Variants in FHOD3 observed in about 807,000 individuals in gnomAD.
FHOD3 encodes the protein FH1/FH2 domain-containing protein 3.
Under a neutral mutation model 173.0 loss-of-function variants are expected in FHOD3, and 90 were observed. The ratio of observed to expected loss-of-function variants is 0.52; its 90% CI spans 0.44 to 0.62. FHOD3 has a LOEUF of 0.62. Among genes scored for constraint, FHOD3 ranks in the 20% least tolerant of loss-of-function variants. The pLI is 0.00. For synonymous variants in FHOD3, 828 were observed against 823.0 expected (o/e 1.01, Z -0.10); for missense variants, 1,945 against 2,034.7 (o/e 0.96, Z 0.85).
In FHOD3 at chr18:36,625,730, G is replaced by A; in HGVS notation, c.1177G>A (p.Val393Met). The change falls in exon 10 of 29, where the codon GTG becomes ATG. Residue 393 changes from valine to methionine, a missense_variant. By Grantham distance (21) the Val-to-Met change is conservative. Coordinates refer to ENST00000590592, the MANE Select transcript of FHOD3 (RefSeq NM_001281740.3). ...AGCTCCCAGCTTCAAGCCCAACCAA[G>A]TGCGAGATCTGCGTGAAAAGTAAGC... ...QSAPSFKPNQ[V>M]RDLREKEEEE... 2 of 1,608,562 alleles carry A rather than the reference G, an allele frequency of 1.2e-6. No individual in the cohort carries two copies. The highest frequency in any genetic ancestry group is 1.7e-6 in the Non-Finnish European group (2 of 1,176,666).
At chr18:36,615,289 T>C (rs1295696344) in intron 9 of FHOD3, among the ~76,000 whole-genome samples, 1 of 152,150 alleles carries the variant, frequency 6.6e-6, no homozygotes, top group Non-Finnish European at 1.5e-5. Context: ...ATCAGTCTTA[T>C]TAATAGTAAT....
chr18:36,712,724 C>T (rs1415075647), intron 18 of FHOD3, among the ~76,000 whole-genome samples: 2 of 151,978 alleles, frequency 1.3e-5, no homozygotes, highest in Admixed American at 6.6e-5. Flanking sequence ...ACCAAAACTT[C>T]TCAAATTTGT....
At chr18:36,557,277 A>G (rs2057925462) in intron 5 of FHOD3, among the ~76,000 whole-genome samples, 2 of 152,126 alleles carry the variant, frequency 1.3e-5, no homozygotes, top group Admixed American at 1.3e-4. Context: ...CTGTCAGGAA[A>G]TCCAGTAACC....
intron 19 of FHOD3, among the ~76,000 whole-genome samples, chr18:36,726,895 G>A (rs2041103403): frequency 6.6e-6 from 1 of 152,114 alleles, no homozygotes; most frequent in Non-Finnish European, 1.5e-5. Context: ...GGATGGCCTC[G>A]ATCTCTTGAC....
intron 21 of FHOD3, 126 bp downstream of exon 21, chr18:36,740,964 A>C: frequency 1.1e-6 from 1 of 905,678 alleles, no homozygotes; most frequent in Non-Finnish European, 1.6e-6. Context: ...GTGAATTGAC[A>C]ATGAGGAGGT....
chr18:36,731,701 G>A (rs1291244383), intron 20 of FHOD3, among the ~76,000 whole-genome samples: 1 of 152,224 alleles, frequency 6.6e-6, no homozygotes, highest in Non-Finnish European at 1.5e-5. Flanking sequence ...CTCCAGAGAG[G>A]GAGAGCAAGC....
At chr18:36,724,245 T>TA (rs1213580428) in intron 19 of FHOD3, among the ~76,000 whole-genome samples, 1 of 152,236 alleles carries the variant, frequency 6.6e-6, no homozygotes, top group Admixed American at 6.5e-5. Context: ...GCAGTGCTTA[T>TA]ATCCAGCCGA....
At chr18:36,340,863 T>A (rs1442629774) in intron 1 of FHOD3, among the ~76,000 whole-genome samples, 1 of 152,112 alleles carries the variant, frequency 6.6e-6, no homozygotes, top group South Asian at 2.1e-4. Context: ...GGTCTCGATC[T>A]CCTGGCCTCA....
At chr18:36,376,227 G>A (rs2047434618) in intron 3 of FHOD3, among the ~76,000 whole-genome samples, 1 of 152,168 alleles carries the variant, frequency 6.6e-6, no homozygotes. Context: ...AAGGTTTGAA[G>A]TCGTTAAGAC....
At chr18:36,636,754 G>T (rs1451827708) in intron 10 of FHOD3, among the ~76,000 whole-genome samples, 1 of 151,888 alleles carries the variant, frequency 6.6e-6, no homozygotes, top group African/African-American at 2.4e-5. Context: ...GCTGGTCAGG[G>T]CCTGTGGGGT....
At chr18:36,733,257 T>C (rs993822355) in intron 20 of FHOD3, among the ~76,000 whole-genome samples, 2 of 152,218 alleles carry the variant, frequency 1.3e-5, no homozygotes, top group East Asian at 3.8e-4. Context: ...GAAGGTTTGC[T>C]TCTCTTTTCT....
chr18:36,493,258 C>T (rs1334722211), intron 3 of FHOD3, among the ~76,000 whole-genome samples: 2 of 149,364 alleles, frequency 1.3e-5, no homozygotes, highest in East Asian at 3.9e-4. Context: ...GGCCATAACT[C>T]CAACAAGCTT....
intron 5 of FHOD3, among the ~76,000 whole-genome samples, chr18:36,520,849 G>A (rs1042383102): frequency 1.3e-5 from 2 of 152,194 alleles, no homozygotes; most frequent in African/African-American, 4.8e-5. Flanking sequence ...GTGTTCATCA[G>A]GAATTTTTCC....
At chr18:36,342,699 T>A (rs1327657851) in intron 1 of FHOD3, among the ~76,000 whole-genome samples, 2 of 152,222 alleles carry the variant, frequency 1.3e-5, no homozygotes, top group East Asian at 3.8e-4. Context: ...GTTAAAAACT[T>A]CTGTGCCTCA....
chr18:36,620,179 G>GCCTCTGTGGCCTCCA (rs2033590457), intron 9 of FHOD3, among the ~76,000 whole-genome samples: 1 of 152,240 alleles, frequency 6.6e-6, no homozygotes, highest in Non-Finnish European at 1.5e-5. Context: ...CGAGGCCTTC[G>GCCTCTGTGGCCTCCA]TGCCTCTGTG....
intron 16 of FHOD3, among the ~76,000 whole-genome samples, chr18:36,691,891 TA>T (rs951950762): frequency 6.9e-4 from 105 of 152,384 alleles, no homozygotes; most frequent in African/African-American, 2.5e-3. Context: ...ATGAAAATCC[TA>T]TTATTTGCTT....
chr18:36,545,521 G>A (rs146342827), intron 5 of FHOD3, among the ~76,000 whole-genome samples: 109 of 152,326 alleles, frequency 7.2e-4, no homozygotes, highest in East Asian at 2.3e-3. Context: ...TTTCTGAATC[G>A]TCAGGAACAC....
intron 5 of FHOD3, among the ~76,000 whole-genome samples, chr18:36,513,659 A>C (rs1048244779): frequency 6.6e-6 from 1 of 152,092 alleles, no homozygotes; most frequent in African/African-American, 2.4e-5. Context: ...TGCCCCGAGA[A>C]TGCTTCCTTA....
intron 1 of FHOD3, among the ~76,000 whole-genome samples, chr18:36,348,279 G>A (rs2045959477): frequency 6.6e-6 from 1 of 152,214 alleles, no homozygotes; most frequent in Non-Finnish European, 1.5e-5. Context: ...GGGGAAACAG[G>A]CATAGCTGTA....
Sources: gnomAD v4.1 joint callset for allele counts (sites outside exome capture counted in the v4.1 genomes callset) on GRCh38, gnomAD v4.1.1 for gene constraint, MANE v1.5 for transcripts, NCBI Gene and HGNC (gene_info 2026-07-23, HGNC 2026-07-21) for gene names.